VWC2L: variants seen among roughly 807,000 people sequenced by gnomAD.
VWC2L encodes the protein von Willebrand factor C domain containing 2 like, also known as von Willebrand factor C domain-containing protein 2-like.
Under a neutral mutation model 21.6 loss-of-function variants are expected in VWC2L, and 10 were observed. The observed-to-expected ratio is 0.46, with a 90% CI of 0.29 to 0.78. The LOEUF (loss-of-function observed/expected upper bound fraction) is 0.78. VWC2L is among the 30% of genes least tolerant of loss of function. The pLI is 0.10. For missense variants in VWC2L, 209 were observed against 277.1 expected (o/e 0.75, Z 1.74); for synonymous variants, 96 against 94.3 (o/e 1.02, Z -0.10).
At chr2:214,442,452 CAAATT>C in intron 3 of VWC2L, among the ~76,000 whole-genome samples, 1 of 152,028 alleles carries the variant, frequency 6.6e-6, no homozygotes, top group South Asian at 2.1e-4. Flanking sequence ...ACTAAAAAAT[CAAATT>C]AGATTATTTT....
chr2:214,556,605 A>G (rs1199347597), intron 3 of VWC2L, among the ~76,000 whole-genome samples: 1 of 152,212 alleles, frequency 6.6e-6, no homozygotes, highest in Non-Finnish European at 1.5e-5. Flanking sequence ...TGGGTGCCAC[A>G]GCCAGAGTAG....
intron 3 of VWC2L, among the ~76,000 whole-genome samples, chr2:214,562,053 G>A (rs1186517085): frequency 6.6e-6 from 1 of 151,754 alleles, no homozygotes; most frequent in East Asian, 1.9e-4. Context: ...TGTTACATAG[G>A]TAAACATATG....
At chr2:214,436,511 T>C in intron 2 of VWC2L, 118 bp from the exon 3 acceptor site, 1 of 1,279,942 alleles carries the variant, frequency 7.8e-7, no homozygotes, top group South Asian at 1.5e-5. Flanking sequence ...ACATGGTAAA[T>C]GGAATTAATA....
intron 3 of VWC2L, among the ~76,000 whole-genome samples, chr2:214,565,308 A>T (rs1690045983): frequency 6.6e-6 from 1 of 152,112 alleles, no homozygotes; most frequent in South Asian, 2.1e-4. Flanking sequence ...TGAGCTTGCA[A>T]CCTCTTTGTT....
At chr2:214,544,251 C>G (rs1222971449) in intron 3 of VWC2L, among the ~76,000 whole-genome samples, 1 of 152,130 alleles carries the variant, frequency 6.6e-6, no homozygotes, top group Admixed American at 6.6e-5. Context: ...TTTATCTGTA[C>G]AGGTATAGAT....
In VWC2L at chr2:214,578,131, A is replaced by C. The variant is rs1690262050; in HGVS notation, c.*2311A>C. 1 of 152,200 alleles carries C rather than the reference A, an allele frequency of 6.6e-6. No individual in the cohort carries two copies. The highest frequency in any genetic ancestry group is 1.5e-5 in the Non-Finnish European group (1 of 68,040). 9.4% of individuals were successfully genotyped at this position (152,200 alleles called of 1,614,324 possible). ...TTCAAAAATCCACACTCTTGGAAAG[A>C]AATAATAATAATAAATGACAGGAAT... On this transcript the variant is annotated 3_prime_UTR_variant, in exon 4 of 4. Coordinates refer to ENST00000312504, the MANE Select transcript of VWC2L (RefSeq NM_001080500.4).
chr2:214,558,181 T>C (rs1574635515), intron 3 of VWC2L, among the ~76,000 whole-genome samples: 1 of 152,166 alleles, frequency 6.6e-6, no homozygotes, highest in African/African-American at 2.4e-5. Context: ...ATTGCTATTT[T>C]TTTCCTTCCT....
chr2:214,457,545 G>A (rs776278737), intron 3 of VWC2L, among the ~76,000 whole-genome samples: 1 of 152,058 alleles, frequency 6.6e-6, no homozygotes, highest in Non-Finnish European at 1.5e-5. Context: ...AGTGGTGAAA[G>A]TGGGCATTCT....
At chr2:214,518,392 T>A (rs557992845) in intron 3 of VWC2L, among the ~76,000 whole-genome samples, 1 of 152,196 alleles carries the variant, frequency 6.6e-6, no homozygotes, top group Admixed American at 6.5e-5. Context: ...ACTTGACACA[T>A]AATAAACATT....
At chr2:214,424,647 T>C (rs775941801) in intron 2 of VWC2L, among the ~76,000 whole-genome samples, 8 of 152,212 alleles carry the variant, frequency 5.3e-5, no homozygotes, top group Non-Finnish European at 1.0e-4. Flanking sequence ...CAAATTTATG[T>C]GACAGTAGAA....
intron 3 of VWC2L, among the ~76,000 whole-genome samples, chr2:214,439,482 A>T (rs1364474607): frequency 6.6e-6 from 1 of 151,972 alleles, no homozygotes; most frequent in Non-Finnish European, 1.5e-5. Context: ...GGTAGATGCA[A>T]CTAATTCTAA....
chr2:214,571,764 TTCTC>T (rs561820019), intron 3 of VWC2L, among the ~76,000 whole-genome samples: 2 of 152,182 alleles, frequency 1.3e-5, no homozygotes, highest in Non-Finnish European at 2.9e-5. Flanking sequence ...TTCATTCATA[TTCTC>T]TCTTTCTTTC....
chr2:214,500,883 A>C (rs1011020533), intron 3 of VWC2L, among the ~76,000 whole-genome samples: 1 of 152,216 alleles, frequency 6.6e-6, no homozygotes, highest in African/African-American at 2.4e-5. Context: ...AGGTTATATA[A>C]GACCTTTCTC....
intron 3 of VWC2L, among the ~76,000 whole-genome samples, chr2:214,451,342 T>C (rs551800136): frequency 6.7e-6 from 1 of 150,188 alleles, no homozygotes; most frequent in East Asian, 2.0e-4. Context: ...GAAATAATTG[T>C]CATCCAATGA....
chr2:214,475,082 C>T (rs370245061), intron 3 of VWC2L, among the ~76,000 whole-genome samples: 10 of 152,248 alleles, frequency 6.6e-5, no homozygotes, highest in Admixed American at 2.0e-4. Flanking sequence ...CTACTCAGCA[C>T]GCTACTTTCC....
chr2:214,541,583 G>A (rs1689628164), intron 3 of VWC2L, among the ~76,000 whole-genome samples: 1 of 152,208 alleles, frequency 6.6e-6, no homozygotes, highest in Admixed American at 6.5e-5. Context: ...GCAGTGTGAT[G>A]AAGACTTGAG....
intron 3 of VWC2L, among the ~76,000 whole-genome samples, chr2:214,556,042 T>A (rs1306362899): frequency 6.6e-6 from 1 of 152,108 alleles, no homozygotes; most frequent in African/African-American, 2.4e-5. Flanking sequence ...GATGAGCACA[T>A]CAAGTCTCGG....
At chr2:214,478,690 A>G (rs892705140) in intron 3 of VWC2L, among the ~76,000 whole-genome samples, 2 of 152,176 alleles carry the variant, frequency 1.3e-5, no homozygotes, top group South Asian at 2.1e-4. Flanking sequence ...AACAACCTCA[A>G]ACTGGATCCC....
At chr2:214,537,373 T>C (rs1001303890) in intron 3 of VWC2L, among the ~76,000 whole-genome samples, 2 of 151,836 alleles carry the variant, frequency 1.3e-5, no homozygotes, top group East Asian at 3.9e-4. Flanking sequence ...TGTGGCAACA[T>C]GGATGAAGCT....
Sources: gnomAD v4.1 joint callset for allele counts (sites outside exome capture counted in the v4.1 genomes callset) on GRCh38, gnomAD v4.1.1 for gene constraint, MANE v1.5 for transcripts, NCBI Gene and HGNC (gene_info 2026-07-23, HGNC 2026-07-21) for gene names.